NEBL: variants seen among roughly 807,000 people sequenced by gnomAD.
NEBL encodes LIM and SH3 protein 2.
NEBL carries 122 observed loss-of-function variants against 140.2 expected under a neutral mutation model. That is an observed-to-expected ratio of 0.87 (90% CI 0.75 to 1.01). The LOEUF (loss-of-function observed/expected upper bound fraction) is 1.01, where lower values mean the gene tolerates loss of function less well. NEBL is among the 50% of genes least tolerant of loss of function. The pLI, the probability that NEBL is intolerant of heterozygous loss-of-function variation, is 0.00. For missense variants in NEBL, 1,365 were observed against 1,231.3 expected (o/e 1.11, Z -1.62); for synonymous variants, 436 against 398.9 (o/e 1.09, Z -1.11).
At position 20,781,244 on chromosome 10, in the gene NEBL, G is replaced by A. The variant is rs1835018872; in HGVS notation, c.*4503C>T. ...TATTAGTAACATTGTAACATTCCGT[G>A]AAGCCCCTTCATTTGCAAAACATTC... On this transcript the variant is annotated 3_prime_UTR_variant, in exon 28 of 28. Transcript: ENST00000377122. The A allele has an allele frequency of 1.3e-5, 2 of 152,580 alleles. No individual in the cohort carries two copies. The highest frequency in any genetic ancestry group is 2.9e-5 in the Non-Finnish European group (2 of 68,026). 9.5% of individuals were successfully genotyped at this position (152,580 alleles called of 1,614,324 possible). A position where few individuals can be genotyped will look rare whatever the true frequency, so the allele number is the denominator to read the frequency against.
At chr10:20,975,611 G>A (rs1034698766) in intron 3 of NEBL, among the ~76,000 whole-genome samples, 1 of 152,084 alleles carries the variant, frequency 6.6e-6, no homozygotes, top group African/African-American at 2.4e-5. Flanking sequence ...TTCTTTCAGA[G>A]TATAACGAAA....
chr10:20,857,431 GC>G (rs958943261), intron 9 of NEBL, among the ~76,000 whole-genome samples: 26 of 151,996 alleles, frequency 1.7e-4, no homozygotes, highest in Non-Finnish European at 1.5e-5. Context: ...TCTATGCCTG[GC>G]CCAAAGCAGA....
intron 14 of NEBL, among the ~76,000 whole-genome samples, chr10:20,834,305 A>C (rs978472611): frequency 1.3e-5 from 2 of 152,210 alleles, no homozygotes; most frequent in African/African-American, 4.8e-5. Flanking sequence ...TAACAAACTT[A>C]TAACAATGAC....
At chr10:20,933,436 A>C (rs953378091) in intron 4 of NEBL, among the ~76,000 whole-genome samples, 16 of 152,184 alleles carry the variant, frequency 1.1e-4, no homozygotes, top group Non-Finnish European at 1.9e-4. Context: ...ATAAACCTTA[A>C]AAAGTTACAG....
intron 4 of NEBL, among the ~76,000 whole-genome samples, chr10:20,936,487 G>C (rs1392800881): frequency 6.6e-6 from 1 of 152,110 alleles, no homozygotes; most frequent in African/African-American, 2.4e-5. Flanking sequence ...TGTCACTCTG[G>C]CCCATGTCTT....
intron 4 of NEBL, among the ~76,000 whole-genome samples, chr10:20,927,733 C>G (rs10764293): frequency 0.74 from 112,675 of 152,160 alleles, 41,912 homozygotes; most frequent in Admixed American, 0.83. Flanking sequence ...CTGTGGCAGC[C>G]AGACAGCCAG....
intron 1 of NEBL, among the ~76,000 whole-genome samples, chr10:21,275,692 G>A (rs548900222): frequency 6.8e-6 from 1 of 147,572 alleles, no homozygotes; most frequent in Non-Finnish European, 1.5e-5. Context: ...CAAGGCTGGA[G>A]TGCAATGACG....
chr10:20,907,433 G>A (rs770704239), intron 4 of NEBL, among the ~76,000 whole-genome samples: 8 of 152,188 alleles, frequency 5.3e-5, no homozygotes, highest in Admixed American at 6.5e-5. Flanking sequence ...CTAATTTTCT[G>A]TCTGATACAT....
chr10:21,023,766 T>C (rs898293345), intron 2 of NEBL, among the ~76,000 whole-genome samples: 5 of 152,004 alleles, frequency 3.3e-5, no homozygotes, highest in Non-Finnish European at 7.4e-5. Context: ...AAGAGTATCC[T>C]GAGATTGAAA....
In NEBL at chr10:21,248,010, T is replaced by TAA. The variant is rs34664249; in HGVS notation, n.280-23_280-22dup. 2.2e-3 allele frequency: 438 copies of TAA among 196,460 alleles called. 9 individuals are homozygous for TAA. Among genetic ancestry groups the TAA allele is most frequent in the South Asian group, 0.021 (201 of 9,544 alleles). 12.2% of individuals were successfully genotyped at this position (196,460 alleles called of 1,614,324 possible). ...CAACTCTGAGGAAGGAAATTATGATTAAAAAAAAAAAAAAAACCATCCCAA... is the reference window on the plus strand; with the variant it reads ...CAACTCTGAGGAAGGAAATTATGATTAAAAAAAAAAAAAAAAAACCATCCCAA... On this transcript the variant is annotated intron_variant and non_coding_transcript_variant, in intron 2 of 8. Transcript: ENST00000675702.
chr10:20,847,996 T>C (rs1270468408), intron 11 of NEBL, among the ~76,000 whole-genome samples: 2 of 152,152 alleles, frequency 1.3e-5, no homozygotes, highest in Non-Finnish European at 2.9e-5. Flanking sequence ...AACTGCACAT[T>C]TTTTTTCTAA....
chr10:21,206,556 T>C (rs1841827900), intron 3 of NEBL, among the ~76,000 whole-genome samples: 1 of 152,224 alleles, frequency 6.6e-6, no homozygotes, highest in South Asian at 2.1e-4. Context: ...AATAGGTTCA[T>C]TGCCTGCCCA....
intron 2 of NEBL, among the ~76,000 whole-genome samples, chr10:21,138,124 G>A (rs1308581968): frequency 2.0e-5 from 3 of 152,134 alleles, no homozygotes; most frequent in Non-Finnish European, 2.9e-5. Flanking sequence ...GAACAAGGTA[G>A]GAGGGAGCAT....
intron 9 of NEBL, among the ~76,000 whole-genome samples, chr10:20,857,923 G>A (rs1468655661): frequency 6.6e-6 from 1 of 152,112 alleles, no homozygotes; most frequent in Non-Finnish European, 1.5e-5. Flanking sequence ...CCTGACTTGA[G>A]AGCCTGAACT....
At chr10:20,856,618 A>G (rs753406571) in intron 9 of NEBL, among the ~76,000 whole-genome samples, 3 of 152,138 alleles carry the variant, frequency 2.0e-5, no homozygotes, top group Non-Finnish European at 4.4e-5. Context: ...GAGACACTCA[A>G]GGAATAGAGG....
chr10:21,110,561 G>C (rs1031669936), intron 2 of NEBL: 1 of 200,772 alleles, frequency 5.0e-6, no homozygotes, highest in Non-Finnish European at 1.0e-5. Flanking sequence ...CCTATTCAGC[G>C]ATTTTCATAC....
At position 21,074,668 on chromosome 10, in the gene NEBL, C is replaced by T. The variant is rs149514665; in HGVS notation, c.165-54467G>A. Among the ~76,000 whole-genome samples, 316 of 151,998 alleles carry T rather than the reference C, an allele frequency of 2.1e-3. 11 individuals are homozygous for T. In the East Asian group the frequency reaches 0.052, roughly 25 times the overall value. ...AATTTTTTTGTACTTTCAGTAGAGA[C>T]GGGGTTTCACTGTGTTAGCCAGGAT... On this transcript the variant is annotated intron_variant, in intron 2 of 6. Transcript: ENST00000417816.
intron 3 of NEBL, among the ~76,000 whole-genome samples, chr10:20,889,234 G>A (rs902036407): frequency 5.3e-5 from 8 of 152,004 alleles, no homozygotes; most frequent in Admixed American, 3.9e-4. Flanking sequence ...AATCATCATC[G>A]TTAACATTGT....
intron 4 of NEBL, among the ~76,000 whole-genome samples, chr10:20,930,677 C>A (rs1398586476): frequency 4.6e-5 from 7 of 152,120 alleles, no homozygotes; most frequent in Non-Finnish European, 7.4e-5. Flanking sequence ...ACTTGCTACC[C>A]CTTCTGCCTT....
Sources: allele counts gnomAD v4.1 joint callset (sites outside exome capture counted in the v4.1 genomes callset), GRCh38; gene constraint gnomAD v4.1.1; transcripts MANE v1.5; gene names NCBI Gene and HGNC (gene_info 2026-07-23, HGNC 2026-07-21).